Variants in AP3S2 observed in about 807,000 individuals in gnomAD.
The protein encoded by AP3S2 is adaptor related protein complex 3 subunit sigma 2.
Under a neutral mutation model 23.4 loss-of-function variants are expected in AP3S2, and 22 were observed. The ratio of observed to expected loss-of-function variants is 0.94; its 90% CI spans 0.67 to 1.34. The LOEUF is 1.34. Ranked by LOEUF, AP3S2 falls within the 40% of genes most tolerant of loss-of-function variation. The probability of loss-of-function intolerance (pLI) is 0.00; values close to 1 mark genes in which losing one functional copy is unlikely to be tolerated. For synonymous variants in AP3S2, 86 were observed against 87.1 expected, an observed-to-expected ratio of 0.99 and a Z score of 0.07; for missense variants, 241 against 236.9, an observed-to-expected ratio of 1.02 and a Z score of -0.11.
intron 4 of AP3S2, among the ~76,000 whole-genome samples, chr15:89,864,181 G>T (rs529462515): frequency 1.2e-4 from 19 of 152,306 alleles, no homozygotes; most frequent in African/African-American, 4.3e-4. Context: ...TAAGACATAT[G>T]AGGAAGAACA....
At chr15:89,855,062 A>G (rs1895791850) in intron 4 of AP3S2, among the ~76,000 whole-genome samples, 1 of 141,984 alleles carries the variant, frequency 7.0e-6, no homozygotes, top group African/African-American at 2.6e-5. Context: ...CAGGATGACA[A>G]TGACGGCTTT....
chr15:89,841,650 C>G (rs1014115333), intron 4 of AP3S2, among the ~76,000 whole-genome samples: 1 of 152,112 alleles, frequency 6.6e-6, no homozygotes, highest in Non-Finnish European at 1.5e-5. Flanking sequence ...CTAAGAGACG[C>G]CTTGCCTATC....
chr15:89,859,325 C>CTTTTTCCTTCCTTTCCTTCCTTCCT (rs924977671), intron 4 of AP3S2, among the ~76,000 whole-genome samples: 4 of 136,328 alleles, frequency 2.9e-5, no homozygotes, highest in Non-Finnish European at 6.2e-5. Flanking sequence ...TCCTTCCTTC[C>CTTTTTCCTTCCTTTCCTTCCTTCCT]TTTTTCCTTC....
chr15:89,882,265 A>T (rs1238101636), intron 3 of AP3S2, among the ~76,000 whole-genome samples: 1 of 152,086 alleles, frequency 6.6e-6, no homozygotes, highest in Non-Finnish European at 1.5e-5. Context: ...ATATTAATTA[A>T]AAAAAGAAAC....
chr15:89,855,560 T>C (rs920569303), intron 4 of AP3S2, among the ~76,000 whole-genome samples: 10 of 147,128 alleles, frequency 6.8e-5, no homozygotes, highest in African/African-American at 2.0e-4. Flanking sequence ...AAGAATGGAC[T>C]TTCCCAGGCC....
intron 4 of AP3S2, among the ~76,000 whole-genome samples, chr15:89,843,440 C>T (rs979228843): frequency 6.6e-6 from 1 of 151,916 alleles, no homozygotes; most frequent in African/African-American, 2.4e-5. Flanking sequence ...GAGTTCAAGA[C>T]CAGCCTGGCC....
chr15:89,859,017 C>CT (rs60101362), intron 4 of AP3S2, among the ~76,000 whole-genome samples: 126 of 146,454 alleles, frequency 8.6e-4, no homozygotes, highest in Middle Eastern at 3.6e-3. Flanking sequence ...TTGTTTTTTT[C>CT]TTTTTTTTTT....
chr15:89,866,764 G>C (rs1234788781), intron 4 of AP3S2, among the ~76,000 whole-genome samples: 1 of 151,298 alleles, frequency 6.6e-6, no homozygotes, highest in African/African-American at 2.5e-5. Context: ...CACCGCACCC[G>C]GCCCCTAGAC....
intron 4 of AP3S2, among the ~76,000 whole-genome samples, chr15:89,863,354 C>A (rs564477285): frequency 3.2e-4 from 48 of 152,176 alleles, no homozygotes; most frequent in African/African-American, 1.0e-3. Flanking sequence ...GGCAGTAGAG[C>A]CATGGGAAGG....
intron 4 of AP3S2, among the ~76,000 whole-genome samples, chr15:89,854,498 C>A (rs1895760406): frequency 1.4e-5 from 1 of 71,152 alleles, no homozygotes; most frequent in Non-Finnish European, 3.0e-5. Context: ...GCCCGGCCAG[C>A]CGCCCCGTCC....
rs1245755311 is a variant in AP3S2 at position 89,883,106 on chromosome 15, CACTA to C, written c.273+5411_273+5414del. On this transcript the variant is annotated intron_variant, in intron 3 of 5. Transcript: ENST00000336418. ...ATTCCATACCAAGTTAATTCCCAAG[CACTA>C]ACTATCCTTTATTATTACTGTAAAT... Among the ~76,000 whole-genome samples, 16 of 152,294 alleles carry C rather than the reference CACTA, an allele frequency of 1.1e-4. No individual in the cohort carries two copies. In the East Asian group the frequency reaches 1.9e-3, roughly 18 times the overall value.
At chr15:89,838,327 C>A (rs1895244294) in intron 4 of AP3S2, among the ~76,000 whole-genome samples, 1 of 152,214 alleles carries the variant, frequency 6.6e-6, no homozygotes, top group South Asian at 2.1e-4. Context: ...TTCCTTTGCA[C>A]CTCTCCTCAC....
chr15:89,870,074 A>G (rs1003618813), intron 4 of AP3S2, among the ~76,000 whole-genome samples: 5 of 152,192 alleles, frequency 3.3e-5, no homozygotes, highest in African/African-American at 1.2e-4. Context: ...AATCATAACA[A>G]TAAGGCCTAC....
Position 89,835,380 on chromosome 15 carries a change from C to A in AP3S2, c.*135G>T. On this transcript the variant is annotated 3_prime_UTR_variant, in exon 6 of 6. Transcript: ENST00000336418. ...CCTTCCCTATTCCATGCCAAACAGT[C>A]TTCCCCAGACACAAAGTTTCCAGGT... 1 of 1,459,072 alleles carries A rather than the reference C, an allele frequency of 6.9e-7. No individual in the cohort carries two copies. The highest frequency in any genetic ancestry group is 1.4e-5 in the African/African-American group (1 of 70,594). 90.4% of individuals were successfully genotyped at this position (1,459,072 alleles called of 1,614,324 possible). A position where few individuals can be genotyped will look rare whatever the true frequency, so the allele number is the denominator to read the frequency against.
intron 4 of AP3S2, among the ~76,000 whole-genome samples, chr15:89,862,755 C>T (rs938642602): frequency 2.0e-5 from 3 of 151,934 alleles, no homozygotes; most frequent in African/African-American, 7.3e-5. Flanking sequence ...GGATACGTGG[C>T]AAGAAGAAAT....
intron 4 of AP3S2, among the ~76,000 whole-genome samples, chr15:89,844,055 G>A (rs1895402005): frequency 6.6e-6 from 1 of 152,144 alleles, no homozygotes; most frequent in Non-Finnish European, 1.5e-5. Context: ...TCCATGGATA[G>A]CATTTAAAAC....
At chr15:89,871,182 T>A (rs1896310177) in intron 4 of AP3S2, among the ~76,000 whole-genome samples, 2 of 152,344 alleles carry the variant, frequency 1.3e-5, no homozygotes, top group South Asian at 4.1e-4. Context: ...ATCTCACCTT[T>A]GGCCAAGTAG....
At chr15:89,868,338 G>A (rs1161910600) in intron 4 of AP3S2, among the ~76,000 whole-genome samples, 14 of 102,738 alleles carry the variant, frequency 1.4e-4, no homozygotes, top group African/African-American at 5.3e-4. Flanking sequence ...CCGGGAGGGA[G>A]GTGGAGGGGT....
intron 3 of AP3S2, among the ~76,000 whole-genome samples, chr15:89,881,466 CAAAG>C (rs1267073159): frequency 6.6e-6 from 1 of 151,926 alleles, no homozygotes; most frequent in Non-Finnish European, 1.5e-5. Context: ...TTTTATCTAA[CAAAG>C]AAAAAAAATG....
Sources: gnomAD v4.1 joint callset for allele counts (sites outside exome capture counted in the v4.1 genomes callset) on GRCh38, gnomAD v4.1.1 for gene constraint, MANE v1.5 for transcripts, NCBI Gene and HGNC (gene_info 2026-07-23, HGNC 2026-07-21) for gene names.